The following DHRSX variants were observed in gnomAD, a reference collection of about 807,000 sequenced individuals.
The protein encoded by DHRSX is polyprenol dehydrogenase.
Under a neutral mutation model 34.0 loss-of-function variants are expected in DHRSX, and 31 were observed. The observed-to-expected ratio is 0.91, with a 90% CI of 0.69 to 1.23. DHRSX has a LOEUF of 1.23. Ranked by LOEUF, DHRSX falls within the 50% of genes most tolerant of loss-of-function variation. The probability of loss-of-function intolerance (pLI) is 0.00; values close to 1 mark genes in which losing one functional copy is unlikely to be tolerated. For missense variants in DHRSX, 414 were observed against 428.1 expected (o/e 0.97, Z 0.29); for synonymous variants, 201 against 183.8 (o/e 1.09, Z -0.76).
At chrX:2,404,153 G>A (rs1603054368) in intron 3 of DHRSX, among the ~76,000 whole-genome samples, 1 of 152,256 alleles carries the variant, frequency 6.6e-6, no homozygotes, top group African/African-American at 2.4e-5. Flanking sequence ...ACCATTTGAA[G>A]GTGCGTGGGG....
At chrX:2,304,249 ATGGATGGATGGGTGGGTGGG>A (rs1277671888) in intron 3 of DHRSX, among the ~76,000 whole-genome samples, 3 of 111,726 alleles carry the variant, frequency 2.7e-5, no homozygotes, top group South Asian at 3.6e-4. Context: ...GGATAAATGG[ATGGATGGATGGGTGGGTGGG>A]TGGATGGATG....
At chrX:2,420,791 A>G (rs1203812614) in intron 2 of DHRSX, among the ~76,000 whole-genome samples, 1 of 152,060 alleles carries the variant, frequency 6.6e-6, no homozygotes, top group Non-Finnish European at 1.5e-5. Flanking sequence ...AGTGGGAGTT[A>G]GGCACAACTT....
chrX:2,395,440 C>G (rs1336990974), intron 3 of DHRSX, among the ~76,000 whole-genome samples: 1 of 152,142 alleles, frequency 6.6e-6, no homozygotes, highest in African/African-American at 2.4e-5. Context: ...AGTTTACTTT[C>G]TCACTGGGGT....
chrX:2,285,345 T>A (rs2041792417), intron 4 of DHRSX, among the ~76,000 whole-genome samples: 1 of 152,100 alleles, frequency 6.6e-6, no homozygotes, highest in Non-Finnish European at 1.5e-5. Flanking sequence ...TTAGATTCCA[T>A]AAGGAGCACA....
rs775087899 is a variant in DHRSX, at chrX:2,490,371, C to T, written c.109+10446G>A. 8.1e-6 allele frequency: 13 copies of T among 1,613,446 alleles called. No homozygotes were observed. The Admixed American group carries it at 1.2e-4, about 14-fold the overall frequency. ...TCCTGCTGCTTCTTGCTGTCGTAGC[C>T]GTGGCCGGCCTTGACGGCCAGCGCG... On this transcript the variant is annotated intron_variant, in intron 1 of 6. Coordinates refer to ENST00000334651, the MANE Select transcript of DHRSX (RefSeq NM_145177.3).
intron 3 of DHRSX, among the ~76,000 whole-genome samples, chrX:2,393,315 A>G (rs2043357597): frequency 6.6e-6 from 1 of 152,144 alleles, no homozygotes; most frequent in African/African-American, 2.4e-5. Flanking sequence ...ACAAGTGTGC[A>G]GTGTGGACAG....
chrX:2,430,265 A>G (rs2043901678), intron 1 of DHRSX, among the ~76,000 whole-genome samples: 1 of 151,598 alleles, frequency 6.6e-6, no homozygotes, highest in African/African-American at 2.4e-5. Flanking sequence ...GCTCAAAAAA[A>G]AAAAAAAAAG....
In DHRSX at chrX:2,393,676, C is replaced by CCCAGGG. The variant is rs1413586431; in HGVS notation, c.286+15068_286+15069insCCCTGG. Among the ~76,000 whole-genome samples the CCCAGGG allele has an allele frequency of 3.4e-3, 466 of 136,840 alleles. 21 individuals are homozygous for CCCAGGG. Among genetic ancestry groups the CCCAGGG allele is most frequent in the South Asian group, 0.014 (53 of 3,698 alleles). The allele number at this position is 136,840 out of a possible 152,430, so 89.8% of individuals were successfully genotyped here. A position where few individuals can be genotyped will look rare whatever the true frequency, so the allele number is the denominator to read the frequency against. On this transcript the variant is annotated intron_variant, in intron 3 of 6. Transcript: ENST00000334651. ...CCCCGTCTCCTCCGCACACACGACA[C>CCCAGGG]ACAGGGACCTCCCTGTCTCCTGCGC...
chrX:2,295,106 T>C (rs2041916566), intron 3 of DHRSX, among the ~76,000 whole-genome samples: 1 of 152,142 alleles, frequency 6.6e-6, no homozygotes, highest in Admixed American at 6.6e-5. Context: ...ATCATTCTAC[T>C]ATAAAGACAC....
chrX:2,466,625 T>G (rs1388799258), intron 1 of DHRSX, among the ~76,000 whole-genome samples: 1 of 152,038 alleles, frequency 6.6e-6, no homozygotes, highest in Non-Finnish European at 1.5e-5. Context: ...TGCAGGGGCA[T>G]GCTGGAGGGT....
At chrX:2,310,889 C>T (rs1387106227) in intron 3 of DHRSX, among the ~76,000 whole-genome samples, 1 of 151,778 alleles carries the variant, frequency 6.6e-6, no homozygotes, top group Non-Finnish European at 1.5e-5. Context: ...GGTGAAACCC[C>T]GTCTCTACTA....
At chrX:2,297,672 A>G in intron 3 of DHRSX, among the ~76,000 whole-genome samples, 1 of 151,926 alleles carries the variant, frequency 6.6e-6, no homozygotes, top group Non-Finnish European at 1.5e-5. Flanking sequence ...TTGCCAAGGT[A>G]GGTCTCAAAC....
intron 6 of DHRSX, among the ~76,000 whole-genome samples, chrX:2,221,736 A>C (rs1356992066): frequency 1.3e-5 from 2 of 152,208 alleles, no homozygotes; most frequent in Admixed American, 1.3e-4. Context: ...CAGACGTTTC[A>C]AAAAGGAACT....
intron 3 of DHRSX, among the ~76,000 whole-genome samples, chrX:2,312,909 A>C (rs1245196639): frequency 6.6e-6 from 1 of 152,092 alleles, no homozygotes; most frequent in East Asian, 1.9e-4. Flanking sequence ...GTCTTAGACA[A>C]AGCTCCACTT....
At chrX:2,409,096 AT>A (rs2043595021) in intron 2 of DHRSX, among the ~76,000 whole-genome samples, 1 of 152,154 alleles carries the variant, frequency 6.6e-6, no homozygotes, top group Admixed American at 6.6e-5. Context: ...TGCTGGTGTA[AT>A]TTGCACGTGA....
chrX:2,489,905 C>T lies in DHRSX; in HGVS notation c.109+10912G>A, dbSNP rs1365692512. ...GGAGCACGCCTTCACGATGTCCTTGCCATAGTTGGTGGTGGCCCCGAAGAC... is the reference window on the plus strand; with the variant it reads ...GGAGCACGCCTTCACGATGTCCTTGTCATAGTTGGTGGTGGCCCCGAAGAC... On this transcript the variant is annotated intron_variant, in intron 1 of 6. Coordinates refer to ENST00000334651, the MANE Select transcript of DHRSX (RefSeq NM_145177.3). The T allele has an allele frequency of 1.2e-6, 2 of 1,613,890 alleles. 1 individual carries two copies. The highest frequency in any genetic ancestry group is 2.2e-5 in the South Asian group (2 of 91,076).
intron 6 of DHRSX, among the ~76,000 whole-genome samples, chrX:2,231,893 T>C (rs1304194619): frequency 6.7e-6 from 1 of 149,978 alleles, no homozygotes; most frequent in African/African-American, 2.5e-5. Context: ...TTCCTCCTCC[T>C]CCTCTTTCTC....
chrX:2,371,625 CCTCCTCCCGTTACCATAGTCCACA>C (rs1217830466), intron 3 of DHRSX, among the ~76,000 whole-genome samples: 5 of 151,544 alleles, frequency 3.3e-5, no homozygotes, highest in African/African-American at 9.7e-5. Context: ...ACCAGTCCTT[CCTCCTCCCGTTACCATAGTCCACA>C]CTCCTCCCCT....
rs184867819 is a variant in DHRSX, at chrX:2,274,733, G to A, written c.389-7786C>T. On this transcript the variant is annotated intron_variant, in intron 4 of 6. Transcript: ENST00000334651. ...GGTGTGAGCCACCGCGCCCGGCCAC[G>A]CACCCGTATTTTAAACCACAGTGTC... 3.0e-3 allele frequency among the ~76,000 whole-genome samples: 449 copies of A among 151,998 alleles called. 1 individual carries two copies. The highest frequency in any genetic ancestry group is 9.8e-3 in the African/African-American group (406 of 41,470).
Sources: allele counts gnomAD v4.1 joint callset (sites outside exome capture counted in the v4.1 genomes callset), GRCh38; gene constraint gnomAD v4.1.1; transcripts MANE v1.5; gene names NCBI Gene and HGNC (gene_info 2026-07-23, HGNC 2026-07-21).